The following ASH2L variants were observed in gnomAD, a reference collection of about 807,000 sequenced individuals.
ASH2L encodes ASH2 like, histone lysine methyltransferase complex subunit, also known as set1/Ash2 histone methyltransferase complex subunit ASH2.
Under a neutral mutation model 81.1 loss-of-function variants are expected in ASH2L, and 30 were observed. The observed-to-expected ratio is 0.37, with a 90% CI of 0.28 to 0.50. The LOEUF is 0.50. Among genes scored for constraint, ASH2L ranks in the 20% least tolerant of loss-of-function variants. The probability of loss-of-function intolerance (pLI) is 0.95; values close to 1 mark genes in which losing one functional copy is unlikely to be tolerated. For missense variants in ASH2L, 559 were observed against 792.1 expected, an observed-to-expected ratio of 0.71 and a Z score of 3.53; for synonymous variants, 273 against 279.9, an observed-to-expected ratio of 0.98 and a Z score of 0.24.
chr8:38,115,650 C>T (rs1810863401), intron 7 of ASH2L, among the ~76,000 whole-genome samples: 1 of 152,024 alleles, frequency 6.6e-6, no homozygotes, highest in African/African-American at 2.4e-5. Context: ...AAAGAAAATG[C>T]AAGATTTCAC....
At chr8:38,133,296 T>C (rs939882691) in intron 12 of ASH2L, among the ~76,000 whole-genome samples, 158 bp from the exon 13 acceptor site, 1 of 152,168 alleles carries the variant, frequency 6.6e-6, no homozygotes, top group African/African-American at 2.4e-5. Flanking sequence ...TTTTAAGAAG[T>C]GTGTAATAGT....
At chr8:38,130,227 C>CTTTTTTTT (rs71216650) in intron 12 of ASH2L, among the ~76,000 whole-genome samples, 7 of 86,236 alleles carry the variant, frequency 8.1e-5, no homozygotes, top group African/African-American at 1.9e-4. Context: ...CTTCTCTGTT[C>CTTTTTTTT]TTTTTTTTTT....
intron 10 of ASH2L, among the ~76,000 whole-genome samples, chr8:38,125,515 G>A (rs762266286): frequency 5.3e-5 from 8 of 151,832 alleles, no homozygotes; most frequent in Non-Finnish European, 8.8e-5. Flanking sequence ...GGCTAAGACA[G>A]GAGAATCTCT....
intron 1 of ASH2L, 39 bp from the exon 2 acceptor site, chr8:38,106,339 C>T (rs779641581): frequency 1.3e-6 from 2 of 1,596,694 alleles, no homozygotes; most frequent in Non-Finnish European, 1.7e-6. Flanking sequence ...TGAGGTTTGT[C>T]TTGAGAATTC....
At chr8:38,123,082 C>CTT (rs59410420) in intron 10 of ASH2L, among the ~76,000 whole-genome samples, 3,122 of 100,790 alleles carry the variant, frequency 0.031, 168 homozygotes, top group African/African-American at 0.048. Context: ...TTCAGAATTT[C>CTT]TTTTTTTTTT....
chr8:38,105,846 C>T (rs1810399674), intron 1 of ASH2L, 108 bp downstream of exon 1: 2 of 1,442,254 alleles, frequency 1.4e-6, no homozygotes, highest in Non-Finnish European at 1.8e-6. Flanking sequence ...CAGGCCCCGC[C>T]GCCAATGGCT....
chr8:38,107,053 T>TA lies in ASH2L; in HGVS notation c.289dup (p.Thr97AsnfsTer8). 1 of 1,614,066 alleles carries TA rather than the reference T, an allele frequency of 6.2e-7. No homozygotes were observed. The highest frequency in any genetic ancestry group is 8.5e-7 in the Non-Finnish European group (1 of 1,179,954). ...CTGGGGATACATCAGAGGTGATGGA[T>TA]ACTCAGGCGGGCTCCGTGGATGAAG... On this transcript the variant is annotated frameshift_variant, in exon 3 of 16. Coordinates refer to ENST00000343823, the MANE Select transcript of ASH2L (RefSeq NM_004674.5). LOFTEE classifies it high-confidence loss of function.
intron 10 of ASH2L, chr8:38,122,622 A>C (rs1320215722): frequency 6.6e-6 from 1 of 152,206 alleles, no homozygotes; most frequent in Non-Finnish European, 1.5e-5. Context: ...CTGCATGTAC[A>C]CAGATAACAA....
chr8:38,126,810 C>T (rs1438325806), intron 10 of ASH2L, among the ~76,000 whole-genome samples: 13 of 142,822 alleles, frequency 9.1e-5, no homozygotes, highest in East Asian at 2.0e-4. Flanking sequence ...GCAGAGATCG[C>T]GCCACTGCAC....
intron 12 of ASH2L, among the ~76,000 whole-genome samples, chr8:38,131,428 G>C (rs1368672808): frequency 6.6e-6 from 1 of 151,918 alleles, no homozygotes; most frequent in Non-Finnish European, 1.5e-5. Context: ...CAAATCACTT[G>C]AGGCCAGGAG....
chr8:38,119,872 A>G (rs977869359), intron 9 of ASH2L, among the ~76,000 whole-genome samples: 6 of 152,028 alleles, frequency 3.9e-5, no homozygotes, highest in African/African-American at 1.5e-4. Flanking sequence ...TAATCCCAGC[A>G]CTTTGGGAGG....
At chr8:38,112,147 C>T (rs1810710088) in intron 5 of ASH2L, among the ~76,000 whole-genome samples, 1 of 152,136 alleles carries the variant, frequency 6.6e-6, no homozygotes. Flanking sequence ...GCTGGGATTC[C>T]AGGCGCATGC....
chr8:38,115,745 C>G (rs190012888), intron 7 of ASH2L, among the ~76,000 whole-genome samples: 133 of 152,324 alleles, frequency 8.7e-4, no homozygotes, highest in African/African-American at 2.8e-3. Context: ...GTGAATGGGG[C>G]TTAGGCACTC....
chr8:38,138,663 A>T, intron 14 of ASH2L, 153 bp from the exon 15 acceptor site: 3 of 599,638 alleles, frequency 5.0e-6, no homozygotes, highest in Non-Finnish European at 8.8e-6. Context: ...GATGTTGACC[A>T]CTTTTAGTAA....
chr8:38,105,770 G>T, intron 1 of ASH2L, 32 bp downstream of exon 1: 2 of 1,501,052 alleles, frequency 1.3e-6, no homozygotes, highest in Non-Finnish European at 1.8e-6. Context: ...GGAAGACGCG[G>T]GAGGGAGGCC....
At chr8:38,132,141 T>A (rs1160702479) in intron 12 of ASH2L, among the ~76,000 whole-genome samples, 1 of 152,036 alleles carries the variant, frequency 6.6e-6, no homozygotes, top group Non-Finnish European at 1.5e-5. Flanking sequence ...GCCACTGCGC[T>A]CGGCCACATG....
chr8:38,106,325 A>C, intron 1 of ASH2L, 53 bp from the exon 2 acceptor site: 1 of 1,555,992 alleles, frequency 6.4e-7, no homozygotes, highest in South Asian at 1.1e-5. Flanking sequence ...GGGAATAGGC[A>C]TTTTGAGGTT....
intron 5 of ASH2L, 136 bp from the exon 6 acceptor site, chr8:38,114,056 A>G (rs1810795158): frequency 5.2e-6 from 3 of 575,780 alleles, no homozygotes; most frequent in Non-Finnish European, 9.2e-6. Flanking sequence ...TAAACCTTGT[A>G]TAACACCGTG....
Position 38,121,149 on chromosome 8 carries a change from G to C in ASH2L, c.1165G>C (p.Ala389Pro). The C allele has an allele frequency of 1.9e-6, 3 of 1,612,208 alleles. No individual in the cohort carries two copies. The highest frequency in any genetic ancestry group is 1.7e-6 in the Non-Finnish European group (2 of 1,179,130). ...GGTTTTGTTAGCCCTACATGATCGA[G>C]GTATGTAAAGTATTGGAGATCATAT... The part of the protein sequence containing the change: ...ERVLLALHDR[A>P]PQLKISDDRL... Residue 389 changes from alanine to proline, a missense_variant and splice_region_variant, in exon 10 of 16, where the codon GCT becomes CCT. By Grantham distance (27) the Ala-to-Pro change is conservative (BLOSUM62 -1). Around this residue, in one of 4 missense-constraint regions of ASH2L, gnomAD observed 318 missense variants for 527.0 expected, o/e 0.60. Coordinates refer to ENST00000343823, the MANE Select transcript of ASH2L (RefSeq NM_004674.5).
Sources: gnomAD v4.1 joint callset for allele counts (sites outside exome capture counted in the v4.1 genomes callset) on GRCh38, gnomAD v4.1.1 for gene constraint, gnomAD v4.1.1 regional missense constraint, MANE v1.5 for transcripts, NCBI Gene and HGNC (gene_info 2026-07-23, HGNC 2026-07-21) for gene names.